The following MIS18BP1 variants were observed in gnomAD, a reference collection of about 807,000 sequenced individuals.
MIS18BP1 encodes mis18-binding protein 1.
A neutral mutation model predicts 116.1 loss-of-function variants in MIS18BP1; 72 were observed. The observed-to-expected ratio is 0.62, with a 90% confidence interval of 0.51 to 0.75. MIS18BP1 has a LOEUF of 0.75. MIS18BP1 is among the 30% of genes least tolerant of loss of function. The pLI, the probability that MIS18BP1 is intolerant of heterozygous loss-of-function variation, is 0.00. For synonymous variants in MIS18BP1, 386 were observed against 427.0 expected, an observed-to-expected ratio of 0.90 and a Z score of 1.18; for missense variants, 1,363 against 1,303.2, an observed-to-expected ratio of 1.05 and a Z score of -0.71.
rs1891603317 is a variant in MIS18BP1 at position 45,242,372 on chromosome 14, C to T, written c.805G>A (p.Val269Ile). Reference protein sequence around the residue: ...ATTKSKKDTFVLESVDSADEQ... With the variant: ...ATTKSKKDTFILESVDSADEQ... ...TCAGCAGAATCAACGCTTTCTAAAA[C>T]AAACGTGTCCTTTTTGGATTTAGTG... The change falls in exon 4 of 17, where the codon GTT (valine) becomes ATT (isoleucine). Residue 269 changes from valine to isoleucine, a missense_variant. Transcript: ENST00000310806. 6.2e-7 allele frequency: 1 copy of T among 1,613,932 alleles called. No individual in the cohort carries two copies. The highest frequency in any genetic ancestry group is 1.3e-5 in the African/African-American group (1 of 74,922).
chr14:45,241,900 A>C (rs1409428994), intron 4 of MIS18BP1, 134 bp downstream of exon 4: 4 of 938,662 alleles, frequency 4.3e-6, no homozygotes, highest in Non-Finnish European at 6.4e-6. Context: ...ATGATAATGA[A>C]GACACTGTTA....
chr14:45,248,035 G>C (rs138099296), intron 1 of MIS18BP1, among the ~76,000 whole-genome samples: 1 of 124,952 alleles, frequency 8.0e-6, no homozygotes, highest in South Asian at 2.8e-4. Context: ...AGTTTACGTA[G>C]TTTTAGTCTT....
In MIS18BP1 at chr14:45,217,103, C is replaced by T; in HGVS notation, c.2919G>A (p.Gln973=). Residue 973 remains glutamine, a synonymous_variant, in exon 13 of 17, where the codon CAG becomes CAA. Coordinates refer to ENST00000310806, the MANE Select transcript of MIS18BP1 (RefSeq NM_018353.5). ...AKVGTLKRKQ[Q]MREFLEQLPK... ...GCAACTGTTCCAGAAATTCCCTCAT[C>T]TGTTGCTTCCTTTTAAGAGTTCCCA... 6.2e-7 allele frequency: 1 copy of T among 1,614,126 alleles called. No individual in the cohort carries two copies. The highest frequency in any genetic ancestry group is 8.5e-7 in the Non-Finnish European group (1 of 1,180,008).
At chr14:45,251,894 C>T (rs1330048269) in intron 1 of MIS18BP1, among the ~76,000 whole-genome samples, 2 of 152,188 alleles carry the variant, frequency 1.3e-5, no homozygotes, top group Non-Finnish European at 2.9e-5. Context: ...ACTATTGACA[C>T]GGAAATTCCA....
At position 45,224,463 on chromosome 14, in the gene MIS18BP1, A is replaced by T. The variant is rs776043975; in HGVS notation, c.2124T>A (p.Ser708Arg). ...GTTCATCGCAATCTTCCTTGTTTTTACTTTTATGACCTTCAAATGTATTTT... is the reference window on the plus strand; with the variant it reads ...GTTCATCGCAATCTTCCTTGTTTTTTCTTTTATGACCTTCAAATGTATTTT... The part of the protein sequence containing the change: ...TLENTFEGHK[S>R]KNKEDCDERD... The change falls in exon 11 of 17, where the codon AGT becomes AGA. Residue 708 changes from serine (S) to arginine (R), a missense_variant. Transcript: ENST00000310806. The T allele has an allele frequency of 6.2e-7, 1 of 1,613,638 alleles. No individual in the cohort carries two copies. Among genetic ancestry groups the T allele is most frequent in the Non-Finnish European group, 8.5e-7 (1 of 1,179,886 alleles).
Position 45,246,813 on chromosome 14 carries a change from C to A in MIS18BP1, c.474G>T (p.Leu158Phe). The change falls in exon 2 of 17, where the codon TTG becomes TTT. Residue 158 changes from leucine to phenylalanine, a missense_variant. By Grantham distance (22) the Leu-to-Phe change is conservative (BLOSUM62 0). Transcript: ENST00000310806. The part of the protein sequence containing the change: ...FTPNRVEKKK[L>F]QHTYLCEEKE... ...TTTCTTCACATAGGTAGGTATGCTGCAATTTTTTTTTTTCAACTCTGTTAG... is the reference window on the plus strand; with the variant it reads ...TTTCTTCACATAGGTAGGTATGCTGAAATTTTTTTTTTTCAACTCTGTTAG... 1.9e-6 allele frequency: 3 copies of A among 1,592,000 alleles called. No individual in the cohort carries two copies. The highest frequency in any genetic ancestry group is 2.6e-6 in the Non-Finnish European group (3 of 1,174,382).
At position 45,232,719 on chromosome 14, in the gene MIS18BP1, AAAC is replaced by A; in HGVS notation, c.1436+11_1436+13del. On this transcript the variant is annotated intron_variant, in intron 7 of 16. Transcript: ENST00000310806. ...AATAAAGTTGACTTCTAAAAACATAAAACAACATTTTACCTTAATTGTTCCAGA... is the reference window on the plus strand; with the variant it reads ...AATAAAGTTGACTTCTAAAAACATAAAACATTTTACCTTAATTGTTCCAGA... 2 of 1,354,546 alleles carry A rather than the reference AAAC, an allele frequency of 1.5e-6. No homozygotes were observed. Among genetic ancestry groups the A allele is most frequent in the Non-Finnish European group, 1.0e-6 (1 of 979,668 alleles). The allele number at this position is 1,354,546 out of a possible 1,614,324, so 83.9% of individuals were successfully genotyped here.
chr14:45,238,514 G>A (rs1010555251), intron 4 of MIS18BP1, among the ~76,000 whole-genome samples: 3 of 152,134 alleles, frequency 2.0e-5, no homozygotes, highest in South Asian at 2.1e-4. Context: ...TATGGCACAT[G>A]TTGATTATGT....
At chr14:45,206,237 CTG>C in intron 14 of MIS18BP1, 67 bp from the exon 15 acceptor site, 1 of 1,059,006 alleles carries the variant, frequency 9.4e-7, no homozygotes, top group Non-Finnish European at 1.4e-6. Context: ...TTTAAGTTAA[CTG>C]TCATACTTTT....
chr14:45,216,904 C>T, intron 13 of MIS18BP1, 115 bp downstream of exon 13: 2 of 1,084,240 alleles, frequency 1.8e-6, no homozygotes, highest in African/African-American at 1.6e-5. Context: ...ATGATCATGT[C>T]TACGGAGGCT....
At chr14:45,209,013 T>C (rs1890603213) in intron 14 of MIS18BP1, among the ~76,000 whole-genome samples, 1 of 152,166 alleles carries the variant, frequency 6.6e-6, no homozygotes. Context: ...TTCTTAATTT[T>C]ATTTATTTAT....
intron 11 of MIS18BP1, among the ~76,000 whole-genome samples, chr14:45,221,442 T>A (rs1433697959): frequency 1.3e-5 from 2 of 151,592 alleles, no homozygotes; most frequent in East Asian, 3.9e-4. Flanking sequence ...GTCTCAAAAA[T>A]AAATAAATAA....
chr14:45,242,278 A>C lies in MIS18BP1; in HGVS notation c.899T>G (p.Leu300Arg). The C allele has an allele frequency of 6.2e-7, 1 of 1,614,076 alleles. No individual in the cohort carries two copies. Among genetic ancestry groups the C allele is most frequent in the Non-Finnish European group, 8.5e-7 (1 of 1,180,002 alleles). The change falls in exon 4 of 17, where the codon CTG (leucine) becomes CGG (arginine). Residue 300 changes from leucine to arginine, a missense_variant. Physicochemically the swap from Leu to Arg is moderately radical, Grantham distance 102. Transcript: ENST00000310806. Reference sequence around the variant, plus strand: ...CCTCTCACTATCAGAAACCATTAACAGGCTGCCATTTTTAATAGGAATACA... The same window carrying C: ...CCTCTCACTATCAGAAACCATTAACCGGCTGCCATTTTTAATAGGAATACA... ...TNCIPIKNGS[L>R]LMVSDSERTT... is the part of the protein sequence containing the mutation.
At chr14:45,250,744 G>A (rs1327458585) in intron 1 of MIS18BP1, among the ~76,000 whole-genome samples, 2 of 151,528 alleles carry the variant, frequency 1.3e-5, no homozygotes, top group Non-Finnish European at 2.9e-5. Context: ...TGGCCAGGCC[G>A]CGTGCGGTGG....
Position 45,231,199 on chromosome 14 carries a change from G to C in MIS18BP1, c.1536C>G (p.Asn512Lys). ...TGGCTCTTTGAGCAGTATCTGTTTGGTTTTCTCGTGCATCATTTTTCATTG... is the reference window on the plus strand; with the variant it reads ...TGGCTCTTTGAGCAGTATCTGTTTGCTTTTCTCGTGCATCATTTTTCATTG... Reference protein sequence around the residue: ...RKSMKNDARENQTDTAQRATT... With the variant: ...RKSMKNDAREKQTDTAQRATT... Residue 512 changes from asparagine to lysine, a missense_variant, in exon 8 of 17, where the codon AAC becomes AAG. Coordinates refer to ENST00000310806, the MANE Select transcript of MIS18BP1 (RefSeq NM_018353.5). 6.2e-7 allele frequency: 1 copy of C among 1,613,892 alleles called. No individual in the cohort carries two copies. Among genetic ancestry groups the C allele is most frequent in the South Asian group, 1.1e-5 (1 of 91,050 alleles).
Position 45,247,247 on chromosome 14 carries a change from G to T in MIS18BP1, c.40C>A (p.Pro14Thr), listed in dbSNP as rs1047649844. Residue 14 changes from proline to threonine, a missense_variant, in exon 2 of 17, where the codon CCT becomes ACT. By Grantham distance (38) the Pro-to-Thr change is conservative (BLOSUM62 -1). Coordinates refer to ENST00000310806, the MANE Select transcript of MIS18BP1 (RefSeq NM_018353.5). The part of the protein sequence containing the change: ...TPLKHSRIYL[P>T]PEASSQRRNL... ...CTCCTTTGAGAAGATGCCTCTGGAG[G>T]TAAGTAAATTCTTGAATGTTTCAAA... The T allele has an allele frequency of 6.3e-7, 1 of 1,594,180 alleles. No homozygotes were observed. Among genetic ancestry groups the T allele is most frequent in the Non-Finnish European group, 8.5e-7 (1 of 1,174,594 alleles).
intron 12 of MIS18BP1, among the ~76,000 whole-genome samples, chr14:45,217,444 A>C (rs995929772): frequency 4.6e-5 from 7 of 152,114 alleles, no homozygotes; most frequent in Non-Finnish European, 8.8e-5. Flanking sequence ...GATATAGATA[A>C]AGCAAAAAAA....
chr14:45,203,904 A>G lies in MIS18BP1; in HGVS notation c.*205T>C, dbSNP rs1890434668. On this transcript the variant is annotated 3_prime_UTR_variant, in exon 17 of 17. Coordinates refer to ENST00000310806, the MANE Select transcript of MIS18BP1 (RefSeq NM_018353.5). ...CAAAAACAAATTTACAGATATCTAC[A>G]CGAGCAAAAACAATTTTCTTTACAT... 2 of 497,568 alleles carry G rather than the reference A, an allele frequency of 4.0e-6. No homozygotes were observed. Among genetic ancestry groups the G allele is most frequent in the African/African-American group, 4.0e-5 (2 of 49,406 alleles). 30.8% of individuals were successfully genotyped at this position (497,568 alleles called of 1,614,324 possible). A position where few individuals can be genotyped will look rare whatever the true frequency, so the allele number is the denominator to read the frequency against.
chr14:45,248,758 C>T (rs1361691106), intron 1 of MIS18BP1, among the ~76,000 whole-genome samples: 3 of 152,114 alleles, frequency 2.0e-5, no homozygotes, highest in African/African-American at 4.8e-5. Flanking sequence ...ACAAAGAAGG[C>T]TATCTTGGGA....
Sources: allele counts gnomAD v4.1 joint callset (sites outside exome capture counted in the v4.1 genomes callset), GRCh38; gene constraint gnomAD v4.1.1; transcripts MANE v1.5; gene names NCBI Gene and HGNC (gene_info 2026-07-23, HGNC 2026-07-21).